The following RBFOX3 variants were observed in gnomAD, a reference collection of about 807,000 sequenced individuals.
RBFOX3 encodes the protein RNA binding fox-1 homolog 3, also known as RNA binding protein fox-1 homolog 3.
In RBFOX3, 17 loss-of-function variants were observed where a neutral mutation model predicts 48.7. The observed-to-expected ratio is 0.35, with a 90% CI of 0.24 to 0.52. The LOEUF is 0.52. Ranked by LOEUF, RBFOX3 falls within the 20% of genes least tolerant of loss-of-function variation. RBFOX3 has a pLI of 0.94. For missense variants in RBFOX3, 382 were observed against 497.5 expected (o/e 0.77, Z 2.21); for synonymous variants, 212 against 209.5 (o/e 1.01, Z -0.10).
At chr17:79,554,464 C>G (rs1226531605) in intron 1 of RBFOX3, among the ~76,000 whole-genome samples, 41,979 of 74,182 alleles carry the variant, frequency 0.57, 13,923 homozygotes, top group Non-Finnish European at 0.7. Context: ...AGTCACCCCT[C>G]ACCTGGCCCT....
chr17:79,251,635 C>T (rs1041027054), intron 3 of RBFOX3, among the ~76,000 whole-genome samples: 2 of 152,130 alleles, frequency 1.3e-5, no homozygotes, highest in African/African-American at 2.4e-5. Flanking sequence ...TAGAACATGG[C>T]GCGGCCTCTG....
At chr17:79,210,054 C>T (rs1040275288) in intron 4 of RBFOX3, among the ~76,000 whole-genome samples, 2 of 151,556 alleles carry the variant, frequency 1.3e-5, no homozygotes, top group Admixed American at 1.3e-4. Flanking sequence ...CGCACAGAGG[C>T]GCCTTAGCAA....
intron 2 of RBFOX3, among the ~76,000 whole-genome samples, chr17:79,416,140 A>G (rs1343501622): frequency 6.6e-6 from 1 of 152,182 alleles, no homozygotes; most frequent in Non-Finnish European, 1.5e-5. Context: ...GTGCCCCCAC[A>G]AGGCCAAGGG....
chr17:79,206,748 G>A (rs4789955), intron 4 of RBFOX3, among the ~76,000 whole-genome samples: 62,862 of 152,086 alleles, frequency 0.41, 15,332 homozygotes, highest in Non-Finnish European at 0.54. Context: ...TGCACCCTGC[G>A]CTGTGGGCTA....
In RBFOX3 at chr17:79,115,681, G is replaced by C. The variant is rs1403085500; in HGVS notation, c.35C>G (p.Pro12Arg). 4.9e-6 allele frequency: 5 copies of C among 1,028,106 alleles called. No homozygotes were observed. The highest frequency in any genetic ancestry group is 7.0e-6 in the Non-Finnish European group (5 of 718,646). 63.7% of individuals were successfully genotyped at this position (1,028,106 alleles called of 1,614,324 possible). Residue 12 changes from proline (P) to arginine (R), a missense_variant, in exon 5 of 15, where the codon CCT (proline) becomes CGT (arginine). This residue lies in a region of RBFOX3 where 118 missense variants were observed against 132.1 expected (regional missense o/e 0.89). Coordinates refer to ENST00000693108, the MANE Select transcript of RBFOX3 (RefSeq NM_001350451.2). ...GGCAGGGATGCCGTTCTGTGGCGGAGGGGGGTACTGGGCGGGGGGGTAGGG... is the reference window on the plus strand; with the variant it reads ...GGCAGGGATGCCGTTCTGTGGCGGACGGGGGTACTGGGCGGGGGGGTAGGG... ...AQPYPPAQYP[P>R]PPQNGIPAEY...
At chr17:79,540,773 C>T (rs1422391260) in intron 1 of RBFOX3, among the ~76,000 whole-genome samples, 3 of 152,168 alleles carry the variant, frequency 2.0e-5, no homozygotes, top group African/African-American at 7.2e-5. Context: ...AAGTGGAGGT[C>T]GATGAAATAT....
chr17:79,268,329 T>C (rs1446085948), intron 3 of RBFOX3, among the ~76,000 whole-genome samples: 11 of 152,084 alleles, frequency 7.2e-5, no homozygotes, highest in Non-Finnish European at 1.6e-4. Flanking sequence ...AAACTGCCCC[T>C]ACTCAAAAGT....
chr17:79,240,093 T>C (rs1239641616), intron 3 of RBFOX3, among the ~76,000 whole-genome samples: 2 of 152,200 alleles, frequency 1.3e-5, no homozygotes, highest in Non-Finnish European at 2.9e-5. Context: ...GGACATGTGA[T>C]TCTGTCTTTA....
intron 1 of RBFOX3, among the ~76,000 whole-genome samples, chr17:79,511,015 GC>G (rs1328709017): frequency 9.2e-5 from 14 of 152,168 alleles, no homozygotes; most frequent in Admixed American, 9.2e-4. Context: ...ATCTGAGGCT[GC>G]CCCCCAGAAC....
At chr17:79,365,135 A>T (rs1046503630) in intron 2 of RBFOX3, among the ~76,000 whole-genome samples, 1 of 151,998 alleles carries the variant, frequency 6.6e-6, no homozygotes, top group South Asian at 2.1e-4. Flanking sequence ...GCGCACACAC[A>T]CACACACACA....
At chr17:79,287,519 G>A (rs1346316104) in intron 3 of RBFOX3, among the ~76,000 whole-genome samples, 2 of 152,154 alleles carry the variant, frequency 1.3e-5, no homozygotes, top group African/African-American at 4.8e-5. Context: ...TCCATGACAT[G>A]CTCAGCAAAA....
At chr17:79,327,472 G>T (rs1489127410) in intron 2 of RBFOX3, among the ~76,000 whole-genome samples, 1 of 152,240 alleles carries the variant, frequency 6.6e-6, no homozygotes, top group Non-Finnish European at 1.5e-5. Context: ...CAGCTCAGCA[G>T]CAGCGACCAC....
At chr17:79,650,917 G>T in the RBFOX3 span, among the ~76,000 whole-genome samples, 1,499 of 152,290 alleles carry the variant, frequency 9.8e-3, 29 homozygotes, top group African/African-American at 0.034. Flanking sequence ...TGCCTCTCGT[G>T]GGGGTGACAG....
intron 4 of RBFOX3, among the ~76,000 whole-genome samples, chr17:79,190,249 T>A (rs566336200): frequency 6.6e-6 from 1 of 152,068 alleles, no homozygotes; most frequent in South Asian, 2.1e-4. Context: ...CCATCTCTAC[T>A]AAAAATACAA....
chr17:79,291,999 T>G (rs9907933), intron 3 of RBFOX3, among the ~76,000 whole-genome samples: 47,247 of 151,952 alleles, frequency 0.31, 7,498 homozygotes, highest in Middle Eastern at 0.45. Context: ...CACCCCTACT[T>G]AGATGCTGTA....
chr17:79,507,564 C>T (rs1047536705), intron 1 of RBFOX3, among the ~76,000 whole-genome samples: 64 of 152,106 alleles, frequency 4.2e-4, no homozygotes, highest in African/African-American at 1.5e-3. Context: ...CAGTCCATAT[C>T]CCAGGTCAAA....
chr17:79,520,237 G>A lies in RBFOX3; in HGVS notation c.-319-37639C>T, dbSNP rs914615416. On this transcript the variant is annotated intron_variant, in intron 1 of 14. Transcript: ENST00000693108. ...CAGTGGCAGTGTGACAACGCCCCAG[G>A]CGGGCAAAGCAGGTGACGAGGCAGC... Among the ~76,000 whole-genome samples, 786 of 152,328 alleles carry A rather than the reference G, an allele frequency of 5.2e-3. 7 individuals carry two copies. Among genetic ancestry groups the A allele is most frequent in the Middle Eastern group, 0.02 (6 of 294 alleles).
At chr17:79,333,200 A>T (rs1893829276) in intron 2 of RBFOX3, among the ~76,000 whole-genome samples, 1 of 152,140 alleles carries the variant, frequency 6.6e-6, no homozygotes, top group South Asian at 2.1e-4. Context: ...AACCACATTT[A>T]CACGCAGCAG....
chr17:79,327,797 G>T (rs2079561678), intron 2 of RBFOX3, among the ~76,000 whole-genome samples: 1 of 152,190 alleles, frequency 6.6e-6, no homozygotes, highest in South Asian at 2.1e-4. Context: ...CTGGGTTCAA[G>T]CGATTCTCCT....
Sources: gnomAD v4.1 joint callset for allele counts (sites outside exome capture counted in the v4.1 genomes callset) on GRCh38, gnomAD v4.1.1 for gene constraint, gnomAD v4.1.1 regional missense constraint, MANE v1.5 for transcripts, NCBI Gene and HGNC (gene_info 2026-07-23, HGNC 2026-07-21) for gene names.